The following PPFIA2 variants were observed in gnomAD, a reference collection of about 807,000 sequenced individuals.
PPFIA2 encodes the protein liprin-alpha-2.
PPFIA2 carries 46 observed loss-of-function variants against 175.5 expected under a neutral mutation model. The observed-to-expected ratio is 0.26, with a 90% CI of 0.21 to 0.34. The LOEUF (loss-of-function observed/expected upper bound fraction) is 0.34, where lower values mean the gene tolerates loss of function less well. Ranked by LOEUF, PPFIA2 falls within the 10% of genes least tolerant of loss-of-function variation. The pLI, the probability that PPFIA2 is intolerant of heterozygous loss-of-function variation, is 1.00. For synonymous variants in PPFIA2, 568 were observed against 511.4 expected, an observed-to-expected ratio of 1.11 and a Z score of -1.49; for missense variants, 1,179 against 1,506.1, an observed-to-expected ratio of 0.78 and a Z score of 3.60.
At chr12:81,473,332 C>T (rs1282316454) in intron 4 of PPFIA2, among the ~76,000 whole-genome samples, 1 of 152,120 alleles carries the variant, frequency 6.6e-6, no homozygotes, top group Non-Finnish European at 1.5e-5. Context: ...TGGCTTGAAC[C>T]CGGGAGGCGG....
intron 8 of PPFIA2, among the ~76,000 whole-genome samples, chr12:81,396,162 AAC>A (rs1157118157): frequency 1.3e-5 from 2 of 152,164 alleles, no homozygotes; most frequent in Admixed American, 6.6e-5. Context: ...TAATCATTAA[AAC>A]AGTGTGATAT....
intron 24 of PPFIA2, among the ~76,000 whole-genome samples, chr12:81,289,052 A>T (rs1315849774): frequency 6.6e-6 from 1 of 151,842 alleles, no homozygotes; most frequent in Non-Finnish European, 1.5e-5. Flanking sequence ...ACCTTAGGTG[A>T]GTCAGTTTAC....
chr12:81,410,303 T>C lies in PPFIA2; in HGVS notation c.646-4400A>G, dbSNP rs546206689. ...ACTCCGTATCCTTATACTTCCTAAT[T>C]TGTAACATTGGCTCAAATGGCTCCC... On this transcript the variant is annotated intron_variant, in intron 7 of 32. Coordinates refer to ENST00000549396, the MANE Select transcript of PPFIA2 (RefSeq NM_003625.5). 3.9e-5 allele frequency among the ~76,000 whole-genome samples: 6 copies of C among 152,258 alleles called. No homozygotes were observed. In the South Asian group the frequency reaches 6.2e-4, roughly 16 times the overall value.
At chr12:81,703,709 T>C (rs2076771171) in intron 3 of PPFIA2, among the ~76,000 whole-genome samples, 1 of 152,026 alleles carries the variant, frequency 6.6e-6, no homozygotes, top group East Asian at 1.9e-4. Flanking sequence ...TGGCTACACC[T>C]CACCTCCACC....
At chr12:81,460,935 T>C (rs767317383) in intron 4 of PPFIA2, among the ~76,000 whole-genome samples, 1 of 152,092 alleles carries the variant, frequency 6.6e-6, no homozygotes, top group Non-Finnish European at 1.5e-5. Flanking sequence ...ATCTAACTCA[T>C]ACTGGGTGAT....
At chr12:81,727,717 G>A (rs73151324) in intron 3 of PPFIA2, among the ~76,000 whole-genome samples, 83 of 151,498 alleles carry the variant, frequency 5.5e-4, no homozygotes, top group Non-Finnish European at 1.0e-3. Flanking sequence ...TAGATCTGGA[G>A]TAGTTAACAG....
chr12:81,710,502 G>A (rs1363989836), intron 3 of PPFIA2, among the ~76,000 whole-genome samples: 1 of 152,010 alleles, frequency 6.6e-6, no homozygotes, highest in Non-Finnish European at 1.5e-5. Context: ...ATGATGTACA[G>A]TATAATACAT....
chr12:81,697,985 C>A (rs2076081116), intron 3 of PPFIA2, among the ~76,000 whole-genome samples: 1 of 152,066 alleles, frequency 6.6e-6, no homozygotes, highest in Non-Finnish European at 1.5e-5. Context: ...CCTATACAGA[C>A]ACATTTGTTG....
intron 4 of PPFIA2, among the ~76,000 whole-genome samples, chr12:81,466,503 G>A (rs1056172229): frequency 6.6e-6 from 1 of 152,080 alleles, no homozygotes; most frequent in Admixed American, 6.6e-5. Context: ...TGTCCATCAA[G>A]CCATGAATCA....
chr12:81,504,389 G>GA (rs893160742), intron 4 of PPFIA2, among the ~76,000 whole-genome samples: 26 of 151,744 alleles, frequency 1.7e-4, no homozygotes, highest in African/African-American at 5.1e-4. Context: ...ACAAGCATAT[G>GA]AAAAAAAAGC....
chr12:81,538,998 C>A (rs2065821672), intron 4 of PPFIA2, among the ~76,000 whole-genome samples: 1 of 151,934 alleles, frequency 6.6e-6, no homozygotes, highest in Non-Finnish European at 1.5e-5. Context: ...AGATGATGCT[C>A]AGACCAGGGT....
At chr12:81,724,119 T>C (rs1029750652) in intron 3 of PPFIA2, among the ~76,000 whole-genome samples, 1 of 150,928 alleles carries the variant, frequency 6.6e-6, no homozygotes, top group African/African-American at 2.4e-5. Context: ...ATGTGAATAA[T>C]CTTAAGAAAC....
In PPFIA2 at chr12:81,369,134, C is replaced by T; in HGVS notation, c.1327G>A (p.Glu443Lys). ...RMRHLEGQLE[E>K]KNQELQRARQ... ...ACTCTTTGAAGTTCTTGATTCTTCT[C>T]TTCAAGTTGACCCTCTAAATGTCTC... The change falls in exon 12 of 33, where the codon GAG becomes AAG. Residue 443 changes from glutamate to lysine, a missense_variant. By Grantham distance (56) the Glu-to-Lys change is moderately conservative. Transcript: ENST00000549396. 6.2e-7 allele frequency: 1 copy of T among 1,607,452 alleles called. No individual in the cohort carries two copies. Among genetic ancestry groups the T allele is most frequent in the Non-Finnish European group, 8.5e-7 (1 of 1,175,644 alleles).
At position 81,298,140 on chromosome 12, in the gene PPFIA2, C is replaced by CA. The variant is rs536229271; in HGVS notation, c.2724+1160dup. On this transcript the variant is annotated intron_variant, in intron 23 of 32. Transcript: ENST00000549396. Reference sequence around the variant, plus strand: ...TCATTTTATCGGAGCAAAAACTGAACAAAGAACTGCTATCATTTCTGAGGT... The same window carrying CA: ...TCATTTTATCGGAGCAAAAACTGAACAAAAGAACTGCTATCATTTCTGAGGT... 2.0e-5 allele frequency: 3 copies of CA among 152,210 alleles called. No individual in the cohort carries two copies. In the South Asian group the frequency reaches 6.2e-4, roughly 32 times the overall value. 9.4% of individuals were successfully genotyped at this position (152,210 alleles called of 1,614,324 possible). A position where few individuals can be genotyped will look rare whatever the true frequency, so the allele number is the denominator to read the frequency against.
At chr12:81,706,619 T>C (rs2077177489) in intron 3 of PPFIA2, among the ~76,000 whole-genome samples, 1 of 152,090 alleles carries the variant, frequency 6.6e-6, no homozygotes, top group South Asian at 2.1e-4. Flanking sequence ...TACCCGGCCG[T>C]GTGAGGTGTC....
intron 3 of PPFIA2, among the ~76,000 whole-genome samples, chr12:81,703,895 T>A (rs142758534): frequency 1.5e-3 from 223 of 152,306 alleles, no homozygotes; most frequent in African/African-American, 5.2e-3. Context: ...TCAGCTTAAA[T>A]GTTGCCTACT....
In PPFIA2 at chr12:81,384,233, A is replaced by G; in HGVS notation, c.774T>C (p.Asn258=). ...GQKVHEKRLS[N]GSIDSTDETS... ...TTTCATCGGTTGAGTCTATAGAACC[A>G]TTGGACAAACGCTGCAGAAATAGAA... Residue 258 remains asparagine (N), a synonymous_variant, in exon 9 of 33, where the codon AAT becomes AAC. Coordinates refer to ENST00000549396, the MANE Select transcript of PPFIA2 (RefSeq NM_003625.5). The G allele has an allele frequency of 6.4e-7, 1 of 1,573,316 alleles. No individual in the cohort carries two copies. Among genetic ancestry groups the G allele is most frequent in the Admixed American group, 1.8e-5 (1 of 54,898 alleles).
intron 8 of PPFIA2, among the ~76,000 whole-genome samples, chr12:81,386,708 C>T (rs890205667): frequency 4.6e-5 from 7 of 151,722 alleles, no homozygotes; most frequent in Admixed American, 1.3e-4. Flanking sequence ...GTAGTGAGGA[C>T]GGTGCAGCAA....
At chr12:81,757,897 T>A (rs2084931984) in intron 2 of PPFIA2, among the ~76,000 whole-genome samples, 1 of 152,172 alleles carries the variant, frequency 6.6e-6, no homozygotes, top group African/African-American at 2.4e-5. Context: ...CATTTAGTCT[T>A]AAGAACCATC....
Sources: allele counts gnomAD v4.1 joint callset (sites outside exome capture counted in the v4.1 genomes callset), GRCh38; gene constraint gnomAD v4.1.1; transcripts MANE v1.5; gene names NCBI Gene and HGNC (gene_info 2026-07-23, HGNC 2026-07-21).